Variants in RANBP2 observed in about 807,000 individuals in gnomAD.
RANBP2 encodes RAN binding protein 2, also known as E3 SUMO-protein ligase RanBP2.
A neutral mutation model predicts 303.6 loss-of-function variants in RANBP2; 57 were observed. The ratio of observed to expected loss-of-function variants is 0.19; its 90% CI spans 0.15 to 0.23. The LOEUF (loss-of-function observed/expected upper bound fraction) is 0.23. RANBP2 is among the 10% of genes least tolerant of loss of function. RANBP2 has a pLI of 1.00. For synonymous variants in RANBP2, 1,167 were observed against 1,301.5 expected (o/e 0.90, Z 2.23); for missense variants, 3,138 against 3,780.8 (o/e 0.83, Z 4.46).
In RANBP2 at chr2:108,730,531, G is replaced by C. The variant is rs1355923847; in HGVS notation, c.141-243G>C. On this transcript the variant is annotated intron_variant, in intron 2 of 28. Coordinates refer to ENST00000283195, the MANE Select transcript of RANBP2 (RefSeq NM_006267.5). ...CATTTCTTATGTGTGGATAACACTG[G>C]AGAAAAATTTGGTAAATGTGACATT... Among the ~76,000 whole-genome samples the C allele has an allele frequency of 3.3e-5, 5 of 152,210 alleles. No individual in the cohort carries two copies. In the East Asian group the frequency reaches 9.6e-4, roughly 29 times the overall value.
At chr2:109,680,630 GT>G in the RANBP2 span, among the ~76,000 whole-genome samples, 1 of 152,124 alleles carries the variant, frequency 6.6e-6, no homozygotes, top group African/African-American at 2.4e-5. Flanking sequence ...ACCATCACCT[GT>G]TTTCCCCTGG....
At chr2:109,556,637 C>T in the RANBP2 span, among the ~76,000 whole-genome samples, 2 of 152,052 alleles carry the variant, frequency 1.3e-5, no homozygotes, top group Non-Finnish European at 2.9e-5. Flanking sequence ...TAGTATCAGG[C>T]CTTTTTTTTT....
chr2:108,937,680 G>C, the RANBP2 span, among the ~76,000 whole-genome samples: 2 of 151,794 alleles, frequency 1.3e-5, no homozygotes, highest in Non-Finnish European at 2.9e-5. Context: ...GAGTATAAGT[G>C]TATGTGATGT....
chr2:109,546,263 T>C, the RANBP2 span: 1 of 1,470,592 alleles, frequency 6.8e-7, no homozygotes, highest in South Asian at 1.4e-5. Flanking sequence ...CAATCCCCAC[T>C]ACTGACACAG....
the RANBP2 span, chr2:108,929,434 G>A: frequency 2.5e-6 from 4 of 1,576,022 alleles, no homozygotes; most frequent in Non-Finnish European, 1.7e-6. Context: ...CAAACCATAC[G>A]GACTCGGCCC....
the RANBP2 span, among the ~76,000 whole-genome samples, chr2:109,212,392 C>G: frequency 6.6e-6 from 1 of 152,102 alleles, no homozygotes; most frequent in Admixed American, 6.6e-5. Flanking sequence ...ACTATAAATC[C>G]CAACTTGGAC....
At chr2:109,681,356 A>G in the RANBP2 span, among the ~76,000 whole-genome samples, 1 of 152,230 alleles carries the variant, frequency 6.6e-6, no homozygotes, top group Non-Finnish European at 1.5e-5. Flanking sequence ...GTACCTTGTG[A>G]AAATTCTTAT....
chr2:109,585,733 T>C, the RANBP2 span: 1 of 1,612,002 alleles, frequency 6.2e-7, no homozygotes, highest in South Asian at 1.1e-5. Context: ...ACACAGAGAA[T>C]ATTAAAGCAG....
chr2:109,683,376 CGGT>C, the RANBP2 span, among the ~76,000 whole-genome samples: 369 of 152,252 alleles, frequency 2.4e-3, 5 homozygotes, highest in African/African-American at 8.0e-3. Flanking sequence ...GCGGTGTGCA[CGGT>C]GGTGATACAT....
chr2:109,443,393 C>G, the RANBP2 span, among the ~76,000 whole-genome samples: 1 of 152,178 alleles, frequency 6.6e-6, no homozygotes, highest in African/African-American at 2.4e-5. Flanking sequence ...AAACAAAAAT[C>G]GCCTTGTTCA....
At chr2:109,138,952 A>G in the RANBP2 span, among the ~76,000 whole-genome samples, 28 of 152,378 alleles carry the variant, frequency 1.8e-4, no homozygotes, top group African/African-American at 6.7e-4. Flanking sequence ...CAAATAGCCA[A>G]TAGGTATCTC....
chr2:108,907,935 G>A, the RANBP2 span: 1 of 1,613,716 alleles, frequency 6.2e-7, no homozygotes, highest in African/African-American at 1.3e-5. Context: ...GCTCCGGGGA[G>A]CCCTGCTTGT....
chr2:108,941,956 T>C, the RANBP2 span, among the ~76,000 whole-genome samples: 2 of 152,218 alleles, frequency 1.3e-5, no homozygotes, highest in African/African-American at 4.8e-5. Context: ...GGCCTGTCCA[T>C]GCCACGGTTC....
chr2:109,590,080 A>G, the RANBP2 span, among the ~76,000 whole-genome samples: 2 of 149,472 alleles, frequency 1.3e-5, no homozygotes, highest in Non-Finnish European at 3.0e-5. Context: ...ACACATATAT[A>G]TGTATATATA....
chr2:108,965,878 C>T, the RANBP2 span, among the ~76,000 whole-genome samples: 1 of 151,980 alleles, frequency 6.6e-6, no homozygotes. Flanking sequence ...TCTGTGCTCC[C>T]CCCTCTCCCC....
At chr2:109,697,692 C>T in the RANBP2 span, among the ~76,000 whole-genome samples, 1 of 151,938 alleles carries the variant, frequency 6.6e-6, no homozygotes, top group Non-Finnish European at 1.5e-5. Context: ...GTATTTATTT[C>T]TTCTTTCTGA....
At chr2:109,521,812 T>C in the RANBP2 span, among the ~76,000 whole-genome samples, 1 of 152,200 alleles carries the variant, frequency 6.6e-6, no homozygotes, top group Non-Finnish European at 1.5e-5. Flanking sequence ...GACACTTTAA[T>C]TACAGATTTA....
the RANBP2 span, among the ~76,000 whole-genome samples, chr2:109,112,795 T>C: frequency 6.6e-6 from 1 of 152,242 alleles, no homozygotes; most frequent in Non-Finnish European, 1.5e-5. Flanking sequence ...TAATCCATCT[T>C]GAATTAATTT....
chr2:109,766,695 A>G, the RANBP2 span, among the ~76,000 whole-genome samples: 1 of 130,126 alleles, frequency 7.7e-6, no homozygotes, highest in Non-Finnish European at 1.6e-5. Context: ...CTTAATACAG[A>G]TTAATAGGCA....
Sources: gnomAD v4.1 joint callset for allele counts (sites outside exome capture counted in the v4.1 genomes callset) on GRCh38, gnomAD v4.1.1 for gene constraint, MANE v1.5 for transcripts, NCBI Gene and HGNC (gene_info 2026-07-23, HGNC 2026-07-21) for gene names.